Variants in SAMMSON observed in about 807,000 individuals in gnomAD.
SAMMSON encodes the protein survival associated mitochondrial melanoma specific oncogenic non-coding RNA, also known as long intergenic non-protein coding RNA 1212.
chr3:70,137,501 A>C (rs541402537), intron 4 of SAMMSON: 1 of 152,304 alleles, frequency 6.6e-6, no homozygotes, highest in African/African-American at 2.4e-5. Context: ...GGACACAATC[A>C]TGCTCATTTT....
chr3:70,045,848 A>G (rs2067124740), intron 3 of SAMMSON, among the ~76,000 whole-genome samples: 2 of 152,094 alleles, frequency 1.3e-5, no homozygotes, highest in Admixed American at 1.3e-4. Context: ...AAATCATACA[A>G]ATTATTCCTT....
intron 3 of SAMMSON, among the ~76,000 whole-genome samples, chr3:70,057,050 T>TG: frequency 6.6e-6 from 1 of 152,158 alleles, no homozygotes; most frequent in East Asian, 1.9e-4. Context: ...TGTATGGATG[T>TG]GATAGTTAGC....
chr3:70,358,304 A>C (rs1212853664), exon 9 of SAMMSON: 1 of 152,138 alleles, frequency 6.6e-6, no homozygotes, highest in Non-Finnish European at 1.5e-5. Context: ...TTCCAGCTCC[A>C]TGTTCAGTGA....
chr3:70,307,877 C>T (rs1026500622), intron 7 of SAMMSON, among the ~76,000 whole-genome samples: 1 of 152,160 alleles, frequency 6.6e-6, no homozygotes, highest in Non-Finnish European at 1.5e-5. Context: ...AATAATCAGC[C>T]AATATGCCCA....
intron 1 of SAMMSON, among the ~76,000 whole-genome samples, chr3:70,002,556 A>T (rs1219167159): frequency 6.6e-6 from 1 of 152,180 alleles, no homozygotes; most frequent in Non-Finnish European, 1.5e-5. Flanking sequence ...TTATTCTTAC[A>T]TCCAGTTTTA....
At chr3:70,050,634 C>G (rs1171718303) in intron 3 of SAMMSON, among the ~76,000 whole-genome samples, 1 of 151,974 alleles carries the variant, frequency 6.6e-6, no homozygotes, top group East Asian at 1.9e-4. Flanking sequence ...ATTAGGATTC[C>G]CCTCATGGTT....
intron 3 of SAMMSON, among the ~76,000 whole-genome samples, chr3:70,052,278 C>T (rs1233122169): frequency 6.6e-6 from 1 of 151,974 alleles, no homozygotes; most frequent in African/African-American, 2.4e-5. Context: ...TCTATGTGGC[C>T]AGTCTAATAT....
intron 4 of SAMMSON, among the ~76,000 whole-genome samples, chr3:70,168,579 C>G (rs2067647232): frequency 6.6e-6 from 1 of 151,964 alleles, no homozygotes; most frequent in African/African-American, 2.4e-5. Flanking sequence ...CCTAAAAGAA[C>G]ACAAACGATT....
chr3:70,051,771 C>A (rs1439823992), intron 3 of SAMMSON, among the ~76,000 whole-genome samples: 1 of 151,766 alleles, frequency 6.6e-6, no homozygotes, highest in Non-Finnish European at 1.5e-5. Context: ...CATTTAATTT[C>A]TTAGCTTTGT....
chr3:70,293,614 C>T (rs1702261079), intron 7 of SAMMSON, among the ~76,000 whole-genome samples: 1 of 152,054 alleles, frequency 6.6e-6, no homozygotes, highest in Admixed American at 6.6e-5. Flanking sequence ...ATGGTGTTAG[C>T]TTGGTTTTTG....
chr3:70,115,017 C>T (rs2067404556), intron 4 of SAMMSON, among the ~76,000 whole-genome samples: 1 of 151,810 alleles, frequency 6.6e-6, no homozygotes, highest in South Asian at 2.1e-4. Flanking sequence ...TACATCAGAC[C>T]ACAGTTTATC....
intron 4 of SAMMSON, among the ~76,000 whole-genome samples, chr3:70,212,804 T>C (rs952703413): frequency 2.0e-5 from 3 of 151,984 alleles, no homozygotes; most frequent in Non-Finnish European, 4.4e-5. Flanking sequence ...CTCTCTTTTT[T>C]TGAGACAGGG....
chr3:70,425,577 A>T (rs1194944031), intron 2 of SAMMSON, among the ~76,000 whole-genome samples: 1 of 150,126 alleles, frequency 6.7e-6, no homozygotes, highest in Non-Finnish European at 1.5e-5. Context: ...ACGCCCAGCT[A>T]TTTTTTTTCT....
intron 4 of SAMMSON, among the ~76,000 whole-genome samples, chr3:70,189,193 A>G (rs1019823533): frequency 6.6e-6 from 1 of 152,174 alleles, no homozygotes; most frequent in Non-Finnish European, 1.5e-5. Flanking sequence ...TTCACAAAGG[A>G]TAAAGCCAGG....
chr3:70,431,870 A>G (rs973372633), intron 2 of SAMMSON, among the ~76,000 whole-genome samples: 1 of 152,084 alleles, frequency 6.6e-6, no homozygotes, highest in African/African-American at 2.4e-5. Flanking sequence ...TCTTTCGCTT[A>G]ACAAAATATT....
chr3:70,108,762 C>T (rs1335948819), intron 4 of SAMMSON, among the ~76,000 whole-genome samples: 1 of 151,970 alleles, frequency 6.6e-6, no homozygotes, highest in Non-Finnish European at 1.5e-5. Flanking sequence ...CAATGGCTGC[C>T]TACAAGCCAA....
At chr3:70,060,382 A>T (rs912955794) in intron 3 of SAMMSON, among the ~76,000 whole-genome samples, 1 of 152,082 alleles carries the variant, frequency 6.6e-6, no homozygotes, top group Admixed American at 6.6e-5. Flanking sequence ...CTCCCAGGGG[A>T]AGTGCTATTT....
At chr3:70,200,136 G>A (rs1473081648) in intron 4 of SAMMSON, among the ~76,000 whole-genome samples, 1 of 152,080 alleles carries the variant, frequency 6.6e-6, no homozygotes, top group Admixed American at 6.6e-5. Context: ...TCCACAAGCT[G>A]CTCACCACCT....
intron 2 of SAMMSON, among the ~76,000 whole-genome samples, chr3:70,405,852 A>G (rs1701174496): frequency 6.6e-6 from 1 of 152,218 alleles, no homozygotes; most frequent in South Asian, 2.1e-4. Context: ...AGTTCAATGA[A>G]TAATGTGTAG....
Sources: gnomAD v4.1 joint callset for allele counts (sites outside exome capture counted in the v4.1 genomes callset) on GRCh38, gnomAD v4.1.1 for gene constraint, MANE v1.5 for transcripts, NCBI Gene and HGNC (gene_info 2026-07-23, HGNC 2026-07-21) for gene names.